SAAL1: variants seen among roughly 807,000 people sequenced by gnomAD.
SAAL1 encodes protein SAAL1.
A neutral mutation model predicts 59.8 loss-of-function variants in SAAL1; 42 were observed. The ratio of observed to expected loss-of-function variants is 0.70; its 90% CI spans 0.55 to 0.91. The LOEUF (loss-of-function observed/expected upper bound fraction) is 0.91, where lower values mean the gene tolerates loss of function less well. Among genes scored for constraint, SAAL1 ranks in the 40% least tolerant of loss-of-function variants. The probability of loss-of-function intolerance (pLI) is 0.00; values close to 1 mark genes in which losing one functional copy is unlikely to be tolerated. For synonymous variants in SAAL1, 191 were observed against 194.3 expected (o/e 0.98, Z 0.14); for missense variants, 542 against 561.1 (o/e 0.97, Z 0.34).
At chr11:18,091,313 TAAGAC>T (rs1449842835) in intron 4 of SAAL1, among the ~76,000 whole-genome samples, 4 of 152,228 alleles carry the variant, frequency 2.6e-5, no homozygotes, top group Non-Finnish European at 2.9e-5. Flanking sequence ...ACACTAATAT[TAAGAC>T]AAGCATTTAA....
chr11:18,085,169 A>G (rs1848450191), intron 9 of SAAL1, among the ~76,000 whole-genome samples: 1 of 152,176 alleles, frequency 6.6e-6, no homozygotes, highest in Non-Finnish European at 1.5e-5. Context: ...CATCACTATT[A>G]TTTTACACCA....
rs77630906 is a variant in SAAL1 at position 18,086,957 on chromosome 11, T to G, written c.951A>C (p.Gln317His). The G allele has an allele frequency of 4.0e-3, 6,516 of 1,614,012 alleles. 146 individuals are homozygous for G. In the African/African-American group the frequency reaches 0.06, roughly 15 times the overall value. Residue 317 changes from glutamine (Q) to histidine (H), a missense_variant, in exon 9 of 12, where the codon CAA (glutamine) becomes CAC (histidine). By Grantham distance (24) the Gln-to-His change is conservative. Transcript: ENST00000524803. ...CAGAGGCTAGCACTGTTTTCTGTTC[T>G]TGAAGAATGATGGGTGGATCATCAG... ...CQSDDPPIIL[Q>H]EQKTVLASVF...
At chr11:18,103,022 C>A (rs1163011593) in intron 2 of SAAL1, among the ~76,000 whole-genome samples, 5 of 152,060 alleles carry the variant, frequency 3.3e-5, no homozygotes, top group Non-Finnish European at 7.4e-5. Context: ...GTATTTAGTC[C>A]GAATCTGTTG....
chr11:18,086,166 G>A (rs1263091727), intron 9 of SAAL1, among the ~76,000 whole-genome samples: 7 of 152,174 alleles, frequency 4.6e-5, no homozygotes, highest in African/African-American at 1.7e-4. Flanking sequence ...CACTCTGGAA[G>A]GCAAGGCAGG....
rs747316582 is a variant in SAAL1, at chr11:18,092,301, A to G, written c.357T>C (p.Gly119=). ...RLREICVGIL[G]NMACFQEICV... is the part of the protein sequence containing the mutation. ...ATATCTCCTGGAAACAGGCCATATTACCTAAAATTCCCACACAGATTTCCT... is the reference window on the plus strand; with the variant it reads ...ATATCTCCTGGAAACAGGCCATATTGCCTAAAATTCCCACACAGATTTCCT... The change falls in exon 4 of 12, where the codon GGT becomes GGC. Residue 119 remains glycine, a synonymous_variant. Coordinates refer to ENST00000524803, the MANE Select transcript of SAAL1 (RefSeq NM_138421.3). The G allele has an allele frequency of 6.2e-7, 1 of 1,606,842 alleles. No individual in the cohort carries two copies. Among genetic ancestry groups the G allele is most frequent in the South Asian group, 1.1e-5 (1 of 90,896 alleles).
chr11:18,101,976 G>T (rs1308455595), intron 2 of SAAL1, among the ~76,000 whole-genome samples: 1 of 152,202 alleles, frequency 6.6e-6, no homozygotes, highest in Non-Finnish European at 1.5e-5. Flanking sequence ...CAGATCAGTG[G>T]TTGCCTGGAG....
chr11:18,093,218 A>G (rs980632715), intron 3 of SAAL1, among the ~76,000 whole-genome samples: 1 of 152,162 alleles, frequency 6.6e-6, no homozygotes, highest in African/African-American at 2.4e-5. Flanking sequence ...CCCAAAGCAC[A>G]AGAGTAGTGA....
rs61882522 is a variant in SAAL1 at position 18,087,796 on chromosome 11, G to C, written c.771-571C>G. On this transcript the variant is annotated intron_variant, in intron 7 of 11. Transcript: ENST00000524803. ...AAAGACAGTGAACAATTAAAACAAT[G>C]GTTTGGCAAATGTTTATTTAAGTAC... Among the ~76,000 whole-genome samples the C allele has an allele frequency of 1.1e-4, 16 of 152,248 alleles. No homozygotes were observed. In the South Asian group the frequency reaches 3.3e-3, roughly 32 times the overall value.
intron 2 of SAAL1, among the ~76,000 whole-genome samples, chr11:18,102,199 C>T (rs908139109): frequency 1.3e-5 from 2 of 152,042 alleles, no homozygotes; most frequent in Non-Finnish European, 2.9e-5. Context: ...GTCAGCAGTT[C>T]AAGACCAGCC....
intron 2 of SAAL1, among the ~76,000 whole-genome samples, chr11:18,097,507 T>G (rs1848589871): frequency 6.6e-6 from 1 of 152,186 alleles, no homozygotes; most frequent in Admixed American, 6.5e-5. Flanking sequence ...CATTTGGTGA[T>G]TACCTATCAG....
Position 18,103,329 on chromosome 11 carries a change from G to A in SAAL1, c.153C>T (p.Asn51=), listed in dbSNP as rs773131857. The A allele has an allele frequency of 1.2e-6, 2 of 1,613,148 alleles. No homozygotes were observed. The highest frequency in any genetic ancestry group is 2.2e-5 in the South Asian group (2 of 91,058). ...CCTCATCATCTGAGCTAGATTTGGT[G>A]TTTTCAGGGCTAACAATCTTCAGAA... ...SGLIQIVSPE[N]TKSSSDDEEQ... The change falls in exon 2 of 12, where the codon AAC becomes AAT. Residue 51 remains asparagine (N), a synonymous_variant. Coordinates refer to ENST00000524803, the MANE Select transcript of SAAL1 (RefSeq NM_138421.3).
At chr11:18,103,168 T>A in intron 2 of SAAL1, 65 bp downstream of exon 2, 1 of 1,119,736 alleles carries the variant, frequency 8.9e-7, no homozygotes, top group Non-Finnish European at 1.4e-6. Flanking sequence ...CTGAACCGTT[T>A]TTAAAACATT....
intron 5 of SAAL1, 40 bp downstream of exon 5, chr11:18,090,394 T>C (rs1385660326): frequency 6.3e-7 from 1 of 1,588,376 alleles, no homozygotes; most frequent in Admixed American, 1.9e-5. Flanking sequence ...TATCTACTCT[T>C]ATGAGTAACC....
intron 2 of SAAL1, among the ~76,000 whole-genome samples, chr11:18,098,377 T>C (rs1848599689): frequency 1.3e-5 from 2 of 152,178 alleles, no homozygotes; most frequent in South Asian, 4.1e-4. Context: ...TGAGTGGACA[T>C]GTGGCCCCAA....
chr11:18,090,636 AAAT>A, intron 4 of SAAL1, 143 bp from the exon 5 acceptor site: 2 of 885,930 alleles, frequency 2.3e-6, no homozygotes, highest in Admixed American at 6.9e-5. Context: ...TATAGTTAAT[AAAT>A]AATTATAAAG....
At chr11:18,092,531 G>A (rs1356401029) in intron 3 of SAAL1, among the ~76,000 whole-genome samples, 1 of 152,018 alleles carries the variant, frequency 6.6e-6, no homozygotes, top group African/African-American at 2.4e-5. Flanking sequence ...AACAAGAAAG[G>A]GCAAAGGCAG....
chr11:18,091,133 C>T (rs1383243498), intron 4 of SAAL1, among the ~76,000 whole-genome samples: 1 of 152,206 alleles, frequency 6.6e-6, no homozygotes, highest in Non-Finnish European at 1.5e-5. Context: ...AAGCAATCCT[C>T]CTACAATATT....
chr11:18,095,271 A>C (rs1848561372), intron 3 of SAAL1, among the ~76,000 whole-genome samples: 1 of 152,216 alleles, frequency 6.6e-6, no homozygotes, highest in Non-Finnish European at 1.5e-5. Flanking sequence ...TTCCTGACAT[A>C]AGCTTATTTC....
chr11:18,105,888 G>A lies in SAAL1; in HGVS notation c.135+19C>T. On this transcript the variant is annotated intron_variant, in intron 1 of 11. Transcript: ENST00000524803. The stretch of plus-strand genomic sequence containing the variant: ...TGGGGGATGTAGGGACACCCCACGC[G>A]TGGCGCGAGTTTCCACACCTGGATG... The A allele has an allele frequency of 7.0e-6, 11 of 1,579,108 alleles. No homozygotes were observed. The highest frequency in any genetic ancestry group is 1.8e-5 in the Admixed American group (1 of 54,722).
Sources: gnomAD v4.1 joint callset for allele counts (sites outside exome capture counted in the v4.1 genomes callset) on GRCh38, gnomAD v4.1.1 for gene constraint, MANE v1.5 for transcripts, NCBI Gene and HGNC (gene_info 2026-07-23, HGNC 2026-07-21) for gene names.